Variants in FAM120B observed in about 807,000 individuals in gnomAD.
FAM120B encodes family with sequence similarity 120 member B.
FAM120B carries 83 observed loss-of-function variants against 96.3 expected under a neutral mutation model. The observed-to-expected ratio is 0.86, with a 90% CI of 0.72 to 1.03. The LOEUF is 1.03. Ranked by LOEUF, FAM120B falls within the 50% of genes least tolerant of loss-of-function variation. FAM120B has a pLI of 0.00. For synonymous variants in FAM120B, 407 were observed against 402.7 expected, an observed-to-expected ratio of 1.01 and a Z score of -0.13; for missense variants, 1,027 against 1,121.2, an observed-to-expected ratio of 0.92 and a Z score of 1.20.
chr6:170,357,550 C>T (rs1788030898), intron 5 of FAM120B, among the ~76,000 whole-genome samples: 1 of 152,192 alleles, frequency 6.6e-6, no homozygotes, highest in Non-Finnish European at 1.5e-5. Context: ...CTGATTTACT[C>T]TCAACTAGGA....
chr6:170,387,338 ATC>A (rs1790243652), intron 6 of FAM120B, among the ~76,000 whole-genome samples: 2 of 152,246 alleles, frequency 1.3e-5, no homozygotes, highest in Non-Finnish European at 1.5e-5. Context: ...GAGCTAAAAT[ATC>A]TGTTACTTTT....
chr6:170,327,650 A>T (rs921328543), intron 3 of FAM120B, among the ~76,000 whole-genome samples: 3 of 147,070 alleles, frequency 2.0e-5, no homozygotes, highest in Admixed American at 1.3e-4. Context: ...CGGTGAGTCC[A>T]TGAGTGAGTG....
At chr6:170,342,647 A>G (rs1408262969) in intron 4 of FAM120B, among the ~76,000 whole-genome samples, 2 of 152,166 alleles carry the variant, frequency 1.3e-5, no homozygotes, top group Non-Finnish European at 2.9e-5. Flanking sequence ...GCGCTTCTGC[A>G]TGGCCCCCTG....
intron 4 of FAM120B, among the ~76,000 whole-genome samples, chr6:170,341,253 G>A (rs1040093826): frequency 6.6e-6 from 1 of 152,206 alleles, no homozygotes; most frequent in Non-Finnish European, 1.5e-5. Flanking sequence ...TTGCCGCACT[G>A]TGGTGAGTTC....
At chr6:170,401,392 C>CA (rs1192173158) in intron 9 of FAM120B, among the ~76,000 whole-genome samples, 1 of 152,076 alleles carries the variant, frequency 6.6e-6, no homozygotes, top group Non-Finnish European at 1.5e-5. Context: ...GGTGACAGGA[C>CA]ATGGGGGGCT....
At chr6:170,383,243 CAA>C (rs1267307299) in intron 6 of FAM120B, among the ~76,000 whole-genome samples, 4 of 151,928 alleles carry the variant, frequency 2.6e-5, no homozygotes. Flanking sequence ...TAGGGTCAGG[CAA>C]AGAGTTCTTA....
At chr6:170,310,895 CT>C (rs1293885600) in intron 1 of FAM120B, among the ~76,000 whole-genome samples, 8 of 152,210 alleles carry the variant, frequency 5.3e-5, no homozygotes, top group Admixed American at 2.0e-4. Context: ...GTATCCACAG[CT>C]CCTAACATAG....
chr6:170,365,098 C>G (rs970790456), intron 6 of FAM120B, among the ~76,000 whole-genome samples: 11 of 152,360 alleles, frequency 7.2e-5, no homozygotes, highest in African/African-American at 2.6e-4. Context: ...GCCGAAACCC[C>G]CAGTCAGGCT....
In FAM120B at chr6:170,393,054, G is replaced by A. The variant is rs1356696939; in HGVS notation, c.2599+1933G>A. On this transcript the variant is annotated intron_variant, in intron 8 of 10. Transcript: ENST00000476287. ...TTGCGCCGTGGCTGGGCACACACCT[G>A]TAATCTGAGCACTTTGGCAGGCTGA... Among the ~76,000 whole-genome samples, 6 of 148,686 alleles carry A rather than the reference G, an allele frequency of 4.0e-5. No individual in the cohort carries two copies. The South Asian group carries it at 1.3e-3, about 32-fold the overall frequency.
At chr6:170,347,622 A>G (rs943315926) in intron 4 of FAM120B, among the ~76,000 whole-genome samples, 6 of 152,254 alleles carry the variant, frequency 3.9e-5, no homozygotes, top group African/African-American at 9.6e-5. Context: ...AGTTGTTAAA[A>G]TGCAGACTTC....
Position 170,376,950 on chromosome 6 carries a change from ACGAGCT to A in FAM120B, c.2284-11335_2284-11330del, listed in dbSNP as rs1337275551. On this transcript the variant is annotated intron_variant, in intron 6 of 10. Coordinates refer to ENST00000476287, the MANE Select transcript of FAM120B (RefSeq NM_032448.3). ...CCTAAACCCAGACGCCTGGGAGAGC[ACGAGCT>A]CAGGGCTGCTCTGTGCTGTGCACAC... Among the ~76,000 whole-genome samples the A allele has an allele frequency of 1.3e-3, 180 of 134,460 alleles. 26 individuals carry two copies. Among genetic ancestry groups the A allele is most frequent in the African/African-American group, 4.8e-3 (164 of 34,418 alleles). 88.2% of individuals were successfully genotyped at this position (134,460 alleles called of 152,430 possible).
rs150056037 is a variant in FAM120B at position 170,362,591 on chromosome 6, C to A, written c.2283+4273C>A. On this transcript the variant is annotated intron_variant, in intron 6 of 10. Coordinates refer to ENST00000476287, the MANE Select transcript of FAM120B (RefSeq NM_032448.3). ...TACGTATACTGCCGTGGGTCCAGGC[C>A]CAGTGTGTGCACTCACATGGTGTGT... 4.1e-3 allele frequency among the ~76,000 whole-genome samples: 617 copies of A among 152,156 alleles called. 3 individuals are homozygous for A. Among genetic ancestry groups the A allele is most frequent in the Non-Finnish European group, 6.5e-3 (444 of 68,006 alleles).
chr6:170,330,675 C>G lies in FAM120B; in HGVS notation c.2017+125C>G, dbSNP rs923283726. The G allele has an allele frequency of 9.8e-6, 7 of 712,896 alleles. No homozygotes were observed. The African/African-American group carries it at 1.1e-4, about 11-fold the overall frequency. 44.2% of individuals were successfully genotyped at this position (712,896 alleles called of 1,614,324 possible). On this transcript the variant is annotated intron_variant, in intron 4 of 10. Transcript: ENST00000476287. ...CACAAATACTAGTTTTTATTTAAAC[C>G]CTTGGCTCATGATTAATGTATCCAT...
intron 6 of FAM120B, among the ~76,000 whole-genome samples, chr6:170,382,866 T>C (rs1789992583): frequency 6.6e-6 from 1 of 152,008 alleles, no homozygotes; most frequent in East Asian, 1.9e-4. Context: ...AAAAAGAAAA[T>C]GGGCAGAATC....
chr6:170,342,756 C>T (rs1011985990), intron 4 of FAM120B, among the ~76,000 whole-genome samples: 3 of 152,194 alleles, frequency 2.0e-5, no homozygotes, highest in South Asian at 2.1e-4. Flanking sequence ...GAAGCTGATG[C>T]GTTTTAGAAG....
chr6:170,291,001 C>T (rs1267211953), upstream of FAM120B: 3 of 701,874 alleles, frequency 4.3e-6, no homozygotes, highest in South Asian at 1.5e-5. Flanking sequence ...AAATCAGCAG[C>T]CCCCCAATCT....
At chr6:170,400,630 G>A (rs1033016325) in intron 9 of FAM120B, among the ~76,000 whole-genome samples, 1 of 152,166 alleles carries the variant, frequency 6.6e-6, no homozygotes, top group Non-Finnish European at 1.5e-5. Context: ...CCAGCATCCA[G>A]GCAGAGGGGA....
At chr6:170,389,771 G>C (rs527316625) in intron 7 of FAM120B, among the ~76,000 whole-genome samples, 1 of 151,986 alleles carries the variant, frequency 6.6e-6, no homozygotes, top group South Asian at 2.1e-4. Context: ...CGTTGCCCAG[G>C]CTGGTCTTGA....
rs569676253 is a variant in FAM120B at position 170,321,837 on chromosome 6, A to G, written c.1735-1242A>G. Among the ~76,000 whole-genome samples the G allele has an allele frequency of 3.3e-5, 5 of 152,356 alleles. No individual in the cohort carries two copies. In the East Asian group the frequency reaches 7.7e-4, roughly 24 times the overall value. ...TTTCTATAGGAAGAAGGTAAGGAACAGAGAGATTAAGACTGAAGCCTATGA... is the reference window on the plus strand; with the variant it reads ...TTTCTATAGGAAGAAGGTAAGGAACGGAGAGATTAAGACTGAAGCCTATGA... On this transcript the variant is annotated intron_variant, in intron 2 of 10. Transcript: ENST00000476287.
Sources: gnomAD v4.1 joint callset for allele counts (sites outside exome capture counted in the v4.1 genomes callset) on GRCh38, gnomAD v4.1.1 for gene constraint, MANE v1.5 for transcripts, NCBI Gene and HGNC (gene_info 2026-07-23, HGNC 2026-07-21) for gene names.